CPEB3: variants seen among roughly 807,000 people sequenced by gnomAD.
CPEB3 encodes the protein cytoplasmic polyadenylation element binding protein 3.
In CPEB3, 20 loss-of-function variants were observed where a neutral mutation model predicts 67.2. That is an observed-to-expected ratio of 0.30 (90% CI 0.21 to 0.43). The LOEUF (loss-of-function observed/expected upper bound fraction) is 0.43. Ranked by LOEUF, CPEB3 falls within the 20% of genes least tolerant of loss-of-function variation. The pLI, the probability that CPEB3 is intolerant of heterozygous loss-of-function variation, is 1.00. For synonymous variants in CPEB3, 376 were observed against 393.1 expected, an observed-to-expected ratio of 0.96 and a Z score of 0.51; for missense variants, 746 against 968.6, an observed-to-expected ratio of 0.77 and a Z score of 3.05.
At chr10:92,066,187 C>T (rs777606810) in intron 9 of CPEB3, among the ~76,000 whole-genome samples, 7 of 152,082 alleles carry the variant, frequency 4.6e-5, no homozygotes. Flanking sequence ...TCAAAGTTCT[C>T]CTTTTTAAAA....
Position 92,258,311 on chromosome 10 carries a change from G to A in CPEB3, c.-11-17950C>T, listed in dbSNP as rs141407562. On this transcript the variant is annotated intron_variant, in intron 1 of 9. Transcript: ENST00000265997. The stretch of plus-strand genomic sequence containing the variant: ...GACAGGATTTTGACATGTTGGCCAG[G>A]CTGGTCTTGAACTCCTGACCTCAGG... 1.7e-4 allele frequency among the ~76,000 whole-genome samples: 25 copies of A among 151,500 alleles called. No individual in the cohort carries two copies. The East Asian group carries it at 4.9e-3, about 30-fold the overall frequency.
At chr10:92,238,741 T>TCA (rs1445708259) in intron 2 of CPEB3, among the ~76,000 whole-genome samples, 1 of 152,184 alleles carries the variant, frequency 6.6e-6, no homozygotes, top group Non-Finnish European at 1.5e-5. Context: ...GATCTCACAC[T>TCA]CATAATTTTC....
At chr10:92,132,714 G>A (rs1028297003) in intron 6 of CPEB3, among the ~76,000 whole-genome samples, 4 of 152,044 alleles carry the variant, frequency 2.6e-5, no homozygotes, top group African/African-American at 7.2e-5. Context: ...CAGAACATAC[G>A]TTCTTGTCAG....
intron 9 of CPEB3, among the ~76,000 whole-genome samples, chr10:92,056,123 C>G (rs1842101961): frequency 6.6e-6 from 1 of 152,190 alleles, no homozygotes; most frequent in Admixed American, 6.5e-5. Flanking sequence ...GGCAGTCTTC[C>G]AGATGAGCGA....
chr10:92,143,231 T>C, intron 5 of CPEB3, 113 bp from the exon 6 acceptor site: 2 of 683,966 alleles, frequency 2.9e-6, no homozygotes, highest in Non-Finnish European at 4.8e-6. Flanking sequence ...AGGGTTGTTT[T>C]CTATAGCATC....
rs971951296 is a variant in CPEB3, at chr10:92,091,845, G to T, written c.1672C>A (p.Arg558=). The change falls in exon 8 of 10, where the codon CGA becomes AGA. Residue 558 remains arginine, a synonymous_variant. Coordinates refer to ENST00000265997, the MANE Select transcript of CPEB3 (RefSeq NM_014912.5). ...TTCCACTCACCAGCTCGAAGGGGTC[G>T]TGGAACTCCCCCAACAAAGATAGTT... The part of the protein sequence containing the change: ...RKTIFVGGVP[R]PLRAVELAMI... 3.1e-6 allele frequency: 5 copies of T among 1,609,840 alleles called. No individual in the cohort carries two copies. Among genetic ancestry groups the T allele is most frequent in the Non-Finnish European group, 3.4e-6 (4 of 1,177,056 alleles).
At position 92,239,245 on chromosome 10, in the gene CPEB3, C is replaced by T; in HGVS notation, c.1005+101G>A. Reference sequence around the variant, plus strand: ...AAGGGGAAAGAGGAGCTGGACATTGCTGCCCTTTTTAAATATAAGCGGGTG... The same window carrying T: ...AAGGGGAAAGAGGAGCTGGACATTGTTGCCCTTTTTAAATATAAGCGGGTG... On this transcript the variant is annotated intron_variant, in intron 2 of 9. Transcript: ENST00000265997. This position sits in a 1 kb window ranked among gnomAD's most constrained non-coding sequence, Gnocchi z 6.0. The T allele has an allele frequency of 7.6e-7, 1 of 1,318,014 alleles. No homozygotes were observed. The highest frequency in any genetic ancestry group is 1.0e-6 in the Non-Finnish European group (1 of 952,916). The allele number at this position is 1,318,014 out of a possible 1,614,324, so 81.6% of individuals were successfully genotyped here. A position where few individuals can be genotyped will look rare whatever the true frequency, so the allele number is the denominator to read the frequency against.
chr10:92,242,474 C>T (rs1851892324), intron 1 of CPEB3, among the ~76,000 whole-genome samples: 1 of 152,190 alleles, frequency 6.6e-6, no homozygotes, highest in South Asian at 2.1e-4. Flanking sequence ...CAGAAAGAGA[C>T]ATTTTCATAC....
At chr10:92,136,414 G>A (rs1846098029) in intron 6 of CPEB3, among the ~76,000 whole-genome samples, 1 of 151,970 alleles carries the variant, frequency 6.6e-6, no homozygotes, top group Non-Finnish European at 1.5e-5. Context: ...CCACAGAATG[G>A]GAGAAAATAG....
At chr10:92,155,896 G>A (rs10509643) in intron 4 of CPEB3, among the ~76,000 whole-genome samples, 15,567 of 151,894 alleles carry the variant, frequency 0.1, 1,447 homozygotes, top group African/African-American at 0.23. Flanking sequence ...AACTATAGGC[G>A]ACTTTATATT....
At chr10:92,289,732 A>AAAAAAAAAAAAAAAAATATAT in intron 1 of CPEB3, among the ~76,000 whole-genome samples, 8 of 75,768 alleles carry the variant, frequency 1.1e-4, no homozygotes, top group Non-Finnish European at 2.0e-4. Flanking sequence ...AAAAAAAAAA[A>AAAAAAAAAAAAAAAAATATAT]ATATATATAT....
intron 2 of CPEB3, among the ~76,000 whole-genome samples, chr10:92,220,908 T>C (rs1351837589): frequency 2.0e-5 from 3 of 152,312 alleles, no homozygotes; most frequent in African/African-American, 7.2e-5. Context: ...CATGCTTCTC[T>C]GAGTTGAAAG....
intron 7 of CPEB3, among the ~76,000 whole-genome samples, chr10:92,094,902 A>C (rs1843789440): frequency 6.6e-6 from 1 of 152,098 alleles, no homozygotes; most frequent in Non-Finnish European, 1.5e-5. Flanking sequence ...AAAGCAGTTA[A>C]GGCAGCTTCG....
chr10:92,072,027 G>A (rs1842773021), intron 9 of CPEB3, among the ~76,000 whole-genome samples: 2 of 152,042 alleles, frequency 1.3e-5, no homozygotes, highest in Admixed American at 6.6e-5. Flanking sequence ...GTTTTTTATA[G>A]AAACACCATT....
intron 2 of CPEB3, among the ~76,000 whole-genome samples, chr10:92,207,518 G>A (rs557874311): frequency 2.0e-5 from 3 of 152,206 alleles, no homozygotes; most frequent in South Asian, 4.1e-4. Flanking sequence ...GATAATAATC[G>A]TATTTACTTT....
chr10:92,224,792 G>A (rs952386485), intron 2 of CPEB3, among the ~76,000 whole-genome samples: 1 of 151,230 alleles, frequency 6.6e-6, no homozygotes, highest in African/African-American at 2.4e-5. Context: ...GTTGCAGTGA[G>A]CTATGATCAT....
chr10:92,277,547 A>G (rs1564927936), intron 1 of CPEB3, among the ~76,000 whole-genome samples: 1 of 152,172 alleles, frequency 6.6e-6, no homozygotes, highest in Non-Finnish European at 1.5e-5. Context: ...GTAGCTTAAT[A>G]GTAAGTTTTA....
At chr10:92,184,203 A>G (rs947392374) in intron 3 of CPEB3, among the ~76,000 whole-genome samples, 1 of 152,190 alleles carries the variant, frequency 6.6e-6, no homozygotes, top group African/African-American at 2.4e-5. Flanking sequence ...AGTATCACTA[A>G]TTGGTGAAAA....
chr10:92,067,006 G>A (rs866337468), intron 9 of CPEB3, among the ~76,000 whole-genome samples: 3 of 150,610 alleles, frequency 2.0e-5, no homozygotes, highest in Admixed American at 6.6e-5. Context: ...TCGAGATCAC[G>A]CCACTGCACT....
Sources: allele counts gnomAD v4.1 joint callset (sites outside exome capture counted in the v4.1 genomes callset), GRCh38; gene constraint gnomAD v4.1.1; non-coding constraint Gnocchi (gnomAD v3.1); transcripts MANE v1.5; gene names NCBI Gene and HGNC (gene_info 2026-07-23, HGNC 2026-07-21).